NRTN: variants seen among roughly 807,000 people sequenced by gnomAD.
The protein encoded by NRTN is prepro-neurturin.
In NRTN, 3 loss-of-function variants were observed where a neutral mutation model predicts 7.5. That is an observed-to-expected ratio of 0.40 (90% CI 0.18 to 1.03). The LOEUF (loss-of-function observed/expected upper bound fraction) is 1.03. Ranked by LOEUF, NRTN falls within the 50% of genes least tolerant of loss-of-function variation. The pLI is 0.34. For synonymous variants in NRTN, 157 were observed against 146.6 expected (o/e 1.07, Z -0.51); for missense variants, 310 against 307.0 (o/e 1.01, Z -0.07).
intron 1 of NRTN, among the ~76,000 whole-genome samples, chr19:5,822,275 G>A (rs1261559726): frequency 1.3e-5 from 2 of 152,168 alleles, no homozygotes; most frequent in African/African-American, 4.8e-5. Context: ...CAAGGTGCAC[G>A]CATTTGGGGG....
intron 1 of NRTN, among the ~76,000 whole-genome samples, chr19:5,817,210 G>A (rs1042732834): frequency 7.3e-5 from 11 of 151,502 alleles, no homozygotes; most frequent in South Asian, 4.2e-4. Context: ...AAAATATAGC[G>A]AGGCATGGTG....
intron 1 of NRTN, among the ~76,000 whole-genome samples, chr19:5,811,882 T>C (rs1309445731): frequency 6.7e-6 from 1 of 148,998 alleles, no homozygotes; most frequent in Non-Finnish European, 1.5e-5. Context: ...TATTTATTTA[T>C]TTTTTTGAGA....
At position 5,817,552 on chromosome 19, in the gene NRTN, TAGG is replaced by T. The variant is rs530008444; in HGVS notation, c.-398-6214_-398-6212del. Among the ~76,000 whole-genome samples the T allele has an allele frequency of 7.9e-3, 616 of 78,376 alleles. 7 individuals carry two copies. Among genetic ancestry groups the T allele is most frequent in the African/African-American group, 0.028 (581 of 20,846 alleles). The allele number at this position is 78,376 out of a possible 152,430, so 51.4% of individuals were successfully genotyped here. ...GGAAGAAAAAGAAAGAGAAAGGAAA[TAGG>T]AAGGAAGGAAGGGAGGGAGGGAGGG... On this transcript the variant is annotated intron_variant, in intron 1 of 2. Coordinates refer to ENST00000303212, the MANE Select transcript of NRTN (RefSeq NM_004558.5).
intron 1 of NRTN, among the ~76,000 whole-genome samples, chr19:5,811,704 T>A (rs929958865): frequency 1.5e-5 from 2 of 137,122 alleles, no homozygotes; most frequent in Non-Finnish European, 3.1e-5. Flanking sequence ...GGCTAATTTG[T>A]TTTTTGTTTT....
intron 2 of NRTN, among the ~76,000 whole-genome samples, chr19:5,826,090 G>A (rs373067291): frequency 6.6e-6 from 1 of 151,728 alleles, no homozygotes. Context: ...AGCCGAGATC[G>A]CGCCACTGCA....
intron 1 of NRTN, among the ~76,000 whole-genome samples, chr19:5,820,341 TATATC>T (rs2057019694): frequency 7.1e-6 from 1 of 141,086 alleles, no homozygotes; most frequent in South Asian, 2.2e-4. Context: ...CTGAGGTGGG[TATATC>T]ACAAGGTGAG....
chr19:5,822,520 C>T lies in NRTN; in HGVS notation c.-398-1248C>T, dbSNP rs190337565. Among the ~76,000 whole-genome samples, 5 of 152,324 alleles carry T rather than the reference C, an allele frequency of 3.3e-5. No individual in the cohort carries two copies. The East Asian group carries it at 5.8e-4, about 18-fold the overall frequency. ...CGTGTACACGTGAGTTATTAAACACCGACTGTATGCAGTGAGGAGGATGCC... is the reference window on the plus strand; with the variant it reads ...CGTGTACACGTGAGTTATTAAACACTGACTGTATGCAGTGAGGAGGATGCC... On this transcript the variant is annotated intron_variant, in intron 1 of 2. Coordinates refer to ENST00000303212, the MANE Select transcript of NRTN (RefSeq NM_004558.5).
intron 2 of NRTN, among the ~76,000 whole-genome samples, chr19:5,826,040 C>T (rs2057044806): frequency 1.3e-5 from 2 of 151,834 alleles, no homozygotes; most frequent in East Asian, 1.9e-4. Flanking sequence ...GAGGCTGAGG[C>T]GGGAGAATGG....
chr19:5,820,735 C>CAAAAAAAAAAAAAAAAAA lies in NRTN; in HGVS notation c.-398-3031_-398-3030insAAAAAAAAAAAAAAAAAA. Among the ~76,000 whole-genome samples, 2 of 62,140 alleles carry CAAAAAAAAAAAAAAAAAA rather than the reference C, an allele frequency of 3.2e-5. 1 individual carries two copies. The highest frequency in any genetic ancestry group is 1.2e-3 in the East Asian group (2 of 1,684). The allele number at this position is 62,140 out of a possible 152,430, so 40.8% of individuals were successfully genotyped here. A position where few individuals can be genotyped will look rare whatever the true frequency, so the allele number is the denominator to read the frequency against. On this transcript the variant is annotated intron_variant, in intron 1 of 2. Transcript: ENST00000303212. ...TGGGCAACAGAGTGAAACTCTGTCT[C>CAAAAAAAAAAAAAAAAAA]AAGAAAAAAAAAAAAAAAAAAAAAA...
intron 1 of NRTN, among the ~76,000 whole-genome samples, chr19:5,819,619 T>C (rs559117103): frequency 6.6e-6 from 1 of 151,400 alleles, no homozygotes; most frequent in African/African-American, 2.4e-5. Flanking sequence ...GCCGAGATCA[T>C]GTCATTGCAC....
chr19:5,826,202 C>G (rs2057045766), intron 2 of NRTN, among the ~76,000 whole-genome samples: 1 of 152,110 alleles, frequency 6.6e-6, no homozygotes, highest in South Asian at 2.1e-4. Context: ...TGTATTGTAT[C>G]GGGCAAGCCC....
At chr19:5,817,622 AAAAG>A (rs1249953036) in intron 1 of NRTN, among the ~76,000 whole-genome samples, 3 of 95,250 alleles carry the variant, frequency 3.1e-5, no homozygotes, top group African/African-American at 9.1e-5. Flanking sequence ...GAGAGAAAGA[AAAAG>A]AAGAAGGCAG....
intron 1 of NRTN, among the ~76,000 whole-genome samples, chr19:5,821,294 CTTTTTTTTTTTT>C (rs33932385): frequency 3.0e-4 from 15 of 49,184 alleles, no homozygotes; most frequent in East Asian, 1.9e-3. Context: ...CAGTGCCTAG[CTTTTTTTTTTTT>C]TTTTTTTTTT....
At chr19:5,827,180 C>T (rs1054344552) in intron 2 of NRTN, among the ~76,000 whole-genome samples, 5 of 152,178 alleles carry the variant, frequency 3.3e-5, no homozygotes, top group African/African-American at 1.2e-4. Flanking sequence ...AAGCCCGGGG[C>T]CTCAGAGCAG....
chr19:5,828,111 G>A lies in NRTN; in HGVS notation c.532G>A (p.Asp178Asn). ...CTACGAGGACGAGGTGTCCTTCCTGGACGCGCACAGCCGCTACCACACGGT... is the reference window on the plus strand; with the variant it reads ...CTACGAGGACGAGGTGTCCTTCCTGAACGCGCACAGCCGCTACCACACGGT... ...TAYEDEVSFLDAHSRYHTVHE... is the reference protein window; with the variant it reads ...TAYEDEVSFLNAHSRYHTVHE... The change falls in exon 3 of 3, where the codon GAC (aspartate) becomes AAC (asparagine). Residue 178 changes from aspartate to asparagine, a missense_variant. By Grantham distance (23) the Asp-to-Asn change is conservative (BLOSUM62 1). Transcript: ENST00000303212. The A allele has an allele frequency of 6.7e-7, 1 of 1,503,338 alleles. No homozygotes were observed. The highest frequency in any genetic ancestry group is 8.8e-7 in the Non-Finnish European group (1 of 1,133,760). The allele number at this position is 1,503,338 out of a possible 1,614,324, so 93.1% of individuals were successfully genotyped here.
chr19:5,828,240 CG>C lies in NRTN; in HGVS notation c.*68del. 2 of 1,488,774 alleles carry C rather than the reference CG, an allele frequency of 1.3e-6. No individual in the cohort carries two copies. The highest frequency in any genetic ancestry group is 2.5e-5 in the South Asian group (2 of 81,160). 92.2% of individuals were successfully genotyped at this position (1,488,774 alleles called of 1,614,324 possible). ...TCGACGGCACCACTGGCCGGCCCCG[CG>C]AAAGACTGCGCGTGCGTAGAGCACG... On this transcript the variant is annotated 3_prime_UTR_variant, in exon 3 of 3. Coordinates refer to ENST00000303212, the MANE Select transcript of NRTN (RefSeq NM_004558.5).
chr19:5,828,267 C>G lies in NRTN; in HGVS notation c.*94C>G, dbSNP rs1416828445. ...AAAGACTGCGCGTGCGTAGAGCACG[C>G]CGGCGCGGCCCCGGGACTCTCGCGA... On this transcript the variant is annotated 3_prime_UTR_variant, in exon 3 of 3. Transcript: ENST00000303212. The G allele has an allele frequency of 7.3e-7, 1 of 1,364,334 alleles. No homozygotes were observed. 84.5% of individuals were successfully genotyped at this position (1,364,334 alleles called of 1,614,324 possible).
intron 1 of NRTN, among the ~76,000 whole-genome samples, chr19:5,814,979 G>A (rs1297691779): frequency 5.3e-5 from 8 of 152,220 alleles, no homozygotes; most frequent in East Asian, 3.8e-4. Flanking sequence ...CAATGTAGAC[G>A]GCACCTGGGA....
chr19:5,824,619 A>G (rs527624864), intron 2 of NRTN, among the ~76,000 whole-genome samples: 168 of 152,180 alleles, frequency 1.1e-3, no homozygotes, highest in African/African-American at 4.0e-3. Flanking sequence ...CATCTCTACA[A>G]AAAACTTCAG....
Sources: gnomAD v4.1 joint callset for allele counts (sites outside exome capture counted in the v4.1 genomes callset) on GRCh38, gnomAD v4.1.1 for gene constraint, MANE v1.5 for transcripts, NCBI Gene and HGNC (gene_info 2026-07-23, HGNC 2026-07-21) for gene names.